XCL1: variants seen among roughly 807,000 people sequenced by gnomAD.
XCL1 encodes the protein X-C motif chemokine ligand 1.
XCL1 carries 6 observed loss-of-function variants against 7.4 expected under a neutral mutation model. That is an observed-to-expected ratio of 0.82 (90% CI 0.45 to 1.61). XCL1 has a LOEUF of 1.61. Ranked by LOEUF, XCL1 falls within the 40% of genes most tolerant of loss-of-function variation. XCL1 has a pLI of 0.01. For synonymous variants in XCL1, 48 were observed against 52.4 expected (o/e 0.92, Z 0.36); for missense variants, 122 against 138.2 (o/e 0.88, Z 0.59).
chr1:168,580,409 T>A (rs1427903591), intron 2 of XCL1, among the ~76,000 whole-genome samples: 1 of 152,228 alleles, frequency 6.6e-6, no homozygotes, highest in Non-Finnish European at 1.5e-5. Flanking sequence ...CTCCTCTATT[T>A]AGCTTAGTGG....
At chr1:168,577,536 T>C (rs1558255067) in intron 1 of XCL1, among the ~76,000 whole-genome samples, 1 of 152,284 alleles carries the variant, frequency 6.6e-6, no homozygotes, top group Non-Finnish European at 1.5e-5. Context: ...CTGGAGTGAA[T>C]CTGTCGACTT....
intron 1 of XCL1, chr1:168,578,823 G>T: frequency 4.5e-6 from 2 of 440,790 alleles, no homozygotes; most frequent in Admixed American, 2.7e-5. Context: ...GTTAACTTGT[G>T]TGAAGGCCAC....
At chr1:168,581,015 T>G (rs41271657) in intron 2 of XCL1, 37 bp from the exon 3 acceptor site, 5 of 1,605,798 alleles carry the variant, frequency 3.1e-6, no homozygotes, top group Non-Finnish European at 2.6e-6. Flanking sequence ...GCTTTGAGAA[T>G]GTGGCTAACT....
chr1:168,580,584 A>G (rs1255263326), intron 2 of XCL1, among the ~76,000 whole-genome samples: 2 of 152,184 alleles, frequency 1.3e-5, no homozygotes, highest in African/African-American at 2.4e-5. Context: ...AAATGAGTCA[A>G]TGCACAACCT....
In XCL1 at chr1:168,576,686, T is replaced by C. The variant is rs151159402; in HGVS notation, c.49T>C (p.Tyr17His). 2.6e-4 allele frequency: 422 copies of C among 1,613,448 alleles called. No individual in the cohort carries two copies. In the African/African-American group the frequency reaches 4.6e-3, roughly 18 times the overall value. ...CCTTGGCATCTGCTCTCTCACTGCA[T>C]ACATTGTGGAAGGTAAGTGGAGAAG... ...ALLGICSLTA[Y>H]IVEGVGSEVS... Residue 17 changes from tyrosine (Y) to histidine (H), a missense_variant, in exon 1 of 3, where the codon TAC becomes CAC. Transcript: ENST00000367818.
chr1:168,578,656 C>T, intron 1 of XCL1: 13 of 257,596 alleles, frequency 5.0e-5, no homozygotes, highest in Middle Eastern at 1.3e-3. Flanking sequence ...TACATTTAAC[C>T]CAGTTTAGTG....
chr1:168,578,566 T>A (rs901279807), intron 1 of XCL1: 1 of 188,882 alleles, frequency 5.3e-6, no homozygotes, highest in African/African-American at 2.4e-5. Context: ...TGACTTCCTT[T>A]TATATATATC....
intron 1 of XCL1, chr1:168,578,648 C>T (rs1655082677): frequency 3.8e-6 from 1 of 261,668 alleles, no homozygotes; most frequent in South Asian, 4.7e-5. Flanking sequence ...CAACAGTGTA[C>T]ATTTAACCCA....
intron 1 of XCL1, among the ~76,000 whole-genome samples, chr1:168,577,526 C>T (rs1222990800): frequency 3.3e-5 from 5 of 152,110 alleles, no homozygotes; most frequent in South Asian, 2.1e-4. Flanking sequence ...TTTCCTATGA[C>T]TGGAGTGAAT....
At chr1:168,577,984 A>G (rs1407136497) in intron 1 of XCL1, among the ~76,000 whole-genome samples, 1 of 152,190 alleles carries the variant, frequency 6.6e-6, no homozygotes, top group Non-Finnish European at 1.5e-5. Flanking sequence ...TAACACAGAC[A>G]CTCAAACATT....
chr1:168,578,228 G>A (rs1655072633), intron 1 of XCL1, among the ~76,000 whole-genome samples: 1 of 152,170 alleles, frequency 6.6e-6, no homozygotes, highest in Admixed American at 6.6e-5. Flanking sequence ...GTGAAGAAAT[G>A]ATGAAGAAAA....
chr1:168,581,717 T>C lies in XCL1; in HGVS notation c.*497T>C, dbSNP rs1655177161. 1 of 152,254 alleles carries C rather than the reference T, an allele frequency of 6.6e-6. No homozygotes were observed. The highest frequency in any genetic ancestry group is 2.4e-5 in the African/African-American group (1 of 41,474). The allele number at this position is 152,254 out of a possible 1,614,324, so 9.4% of individuals were successfully genotyped here. On this transcript the variant is annotated 3_prime_UTR_variant, in exon 3 of 3. Transcript: ENST00000367818. ...CTTCACTGGGTTCCCATTCTGAGGGTCCACTACTCAAAAATTTGCTTCACT... is the reference window on the plus strand; with the variant it reads ...CTTCACTGGGTTCCCATTCTGAGGGCCCACTACTCAAAAATTTGCTTCACT...
chr1:168,580,653 TGTA>T (rs1241314159), intron 2 of XCL1, among the ~76,000 whole-genome samples: 5 of 152,172 alleles, frequency 3.3e-5, no homozygotes, highest in Admixed American at 6.5e-5. Context: ...CTTCTCAACA[TGTA>T]ATTGCAAGCT....
chr1:168,580,100 G>A lies in XCL1; in HGVS notation c.99G>A (p.Val33=), dbSNP rs1211482651. The change falls in exon 2 of 3, where the codon GTG becomes GTA. Residue 33 remains valine, a synonymous_variant. Coordinates refer to ENST00000367818, the MANE Select transcript of XCL1 (RefSeq NM_002995.3). ...AAGTCTCAGATAAGAGGACCTGTGTGAGCCTCACTACCCAGCGACTGCCGG... is the reference window on the plus strand; with the variant it reads ...AAGTCTCAGATAAGAGGACCTGTGTAAGCCTCACTACCCAGCGACTGCCGG... ...GSEVSDKRTC[V]SLTTQRLPVS... is the part of the protein sequence containing the mutation. 6.2e-7 allele frequency: 1 copy of A among 1,613,836 alleles called. No homozygotes were observed. The highest frequency in any genetic ancestry group is 1.3e-5 in the African/African-American group (1 of 74,974).
At chr1:168,578,850 G>T in intron 1 of XCL1, 1 of 411,124 alleles carries the variant, frequency 2.4e-6, no homozygotes, top group South Asian at 1.9e-5. Context: ...GCTTCCTGTG[G>T]ACTGGATGTC....
intron 1 of XCL1, among the ~76,000 whole-genome samples, chr1:168,578,390 A>C (rs935633151): frequency 2.0e-5 from 3 of 152,194 alleles, no homozygotes; most frequent in African/African-American, 7.2e-5. Flanking sequence ...CAGTGTCTAC[A>C]GCTAAGGAGA....
chr1:168,580,159 G>A lies in XCL1; in HGVS notation c.158G>A (p.Gly53Asp). The change falls in exon 2 of 3, where the codon GGC (glycine) becomes GAC (aspartate). Residue 53 changes from glycine to aspartate, a missense_variant. Physicochemically the swap from Gly to Asp is moderately conservative, Grantham distance 94 (BLOSUM62 -1). Coordinates refer to ENST00000367818, the MANE Select transcript of XCL1 (RefSeq NM_002995.3). ...SRIKTYTITE[G>D]SLRAVIFITK... Reference sequence around the variant, plus strand: ...ATCAAGACCTACACCATCACGGAAGGCTCCTTGAGAGCAGTAATGTGAGTC... The same window carrying A: ...ATCAAGACCTACACCATCACGGAAGACTCCTTGAGAGCAGTAATGTGAGTC... The A allele has an allele frequency of 6.2e-7, 1 of 1,613,858 alleles. No homozygotes were observed. Among genetic ancestry groups the A allele is most frequent in the East Asian group, 2.2e-5 (1 of 44,888 alleles).
intron 1 of XCL1, among the ~76,000 whole-genome samples, chr1:168,578,332 G>A (rs949570846): frequency 6.6e-6 from 1 of 152,170 alleles, no homozygotes; most frequent in African/African-American, 2.4e-5. Context: ...ATTATCAGTG[G>A]TTACTTTAGA....
chr1:168,577,763 A>G (rs566959908), intron 1 of XCL1, among the ~76,000 whole-genome samples: 2 of 152,294 alleles, frequency 1.3e-5, no homozygotes, highest in South Asian at 4.1e-4. Context: ...TGGGCATACC[A>G]TTTGAGGGAG....
Sources: gnomAD v4.1 joint callset for allele counts (sites outside exome capture counted in the v4.1 genomes callset) on GRCh38, gnomAD v4.1.1 for gene constraint, MANE v1.5 for transcripts, NCBI Gene and HGNC (gene_info 2026-07-23, HGNC 2026-07-21) for gene names.